EDARADD: variants seen among roughly 807,000 people sequenced by gnomAD.
EDARADD encodes ectodysplasin-A receptor-associated adapter protein.
EDARADD carries 20 observed loss-of-function variants against 25.6 expected under a neutral mutation model. The observed-to-expected ratio is 0.78, with a 90% CI of 0.55 to 1.14. EDARADD has a LOEUF of 1.14. Among genes scored for constraint, EDARADD ranks in the 50% most tolerant of loss-of-function variants. The pLI, the probability that EDARADD is intolerant of heterozygous loss-of-function variation, is 0.00. For synonymous variants in EDARADD, 86 were observed against 94.4 expected (o/e 0.91, Z 0.52); for missense variants, 225 against 270.1 (o/e 0.83, Z 1.17).
At chr1:236,455,798 CT>C in intron 4 of EDARADD, among the ~76,000 whole-genome samples, 1 of 93,194 alleles carries the variant, frequency 1.1e-5, no homozygotes. Context: ...ATCGCCTGTT[CT>C]TTTTTTTTGA....
At chr1:236,355,476 A>G (rs1666962565) in intron 3 of EDARADD, among the ~76,000 whole-genome samples, 1 of 113,084 alleles carries the variant, frequency 8.8e-6, no homozygotes, top group African/African-American at 3.4e-5. Flanking sequence ...TTTCCCATCC[A>G]CTCATTCTCT....
chr1:236,441,578 CAATGGTGCG>C lies in EDARADD; in HGVS notation c.219+14130_219+14138del, dbSNP rs1308809372. On this transcript the variant is annotated intron_variant, in intron 4 of 5. Coordinates refer to ENST00000334232, the MANE Select transcript of EDARADD (RefSeq NM_145861.4). ...TCACTCTATTGACCAGGCTGGAGTG[CAATGGTGCG>C]ATCTCCGCTCACTGCAACCTCCACC... Among the ~76,000 whole-genome samples, 5 of 149,278 alleles carry C rather than the reference CAATGGTGCG, an allele frequency of 3.3e-5. No individual in the cohort carries two copies. The Admixed American group carries it at 3.4e-4, about 10-fold the overall frequency.
intron 4 of EDARADD, among the ~76,000 whole-genome samples, chr1:236,452,416 G>C (rs887289727): frequency 3.9e-5 from 6 of 152,156 alleles, no homozygotes; most frequent in Admixed American, 3.9e-4. Flanking sequence ...ATTGGATCAC[G>C]GGGGTGGTTA....
intron 3 of EDARADD, among the ~76,000 whole-genome samples, chr1:236,376,492 A>T (rs571075299): frequency 6.6e-6 from 1 of 151,986 alleles, no homozygotes; most frequent in South Asian, 2.1e-4. Flanking sequence ...GTTTCACTTC[A>T]CTTTCATCTT....
intron 4 of EDARADD, among the ~76,000 whole-genome samples, chr1:236,431,927 C>CA (rs1170622280): frequency 0.046 from 812 of 17,788 alleles, 130 homozygotes; most frequent in Non-Finnish European, 0.13. Flanking sequence ...GACTCCGTCT[C>CA]AAAAAAAAAA....
chr1:236,451,276 TC>T (rs1422186368), intron 4 of EDARADD, among the ~76,000 whole-genome samples: 1 of 152,174 alleles, frequency 6.6e-6, no homozygotes, highest in Non-Finnish European at 1.5e-5. Flanking sequence ...TCCCTCTCAG[TC>T]AGCTTTCTCC....
chr1:236,368,590 G>A (rs900560635), intron 3 of EDARADD, among the ~76,000 whole-genome samples: 3 of 151,918 alleles, frequency 2.0e-5, no homozygotes, highest in Non-Finnish European at 4.4e-5. Flanking sequence ...ACAGGCAGGC[G>A]CCACCACACC....
intron 4 of EDARADD, among the ~76,000 whole-genome samples, chr1:236,467,834 T>G (rs932540075): frequency 6.6e-6 from 1 of 152,074 alleles, no homozygotes; most frequent in Non-Finnish European, 1.5e-5. Flanking sequence ...CATAGCTCAC[T>G]GCAGCCTCCA....
In EDARADD at chr1:236,484,411, A is replaced by G; in HGVS notation, c.*1762A>G. 6.2e-7 allele frequency: 1 copy of G among 1,610,160 alleles called. No homozygotes were observed. The highest frequency in any genetic ancestry group is 1.1e-5 in the South Asian group (1 of 90,976). On this transcript the variant is annotated 3_prime_UTR_variant, in exon 6 of 6. Transcript: ENST00000334232. The surrounding 1 kb of genome is among the most constrained non-coding windows in gnomAD (Gnocchi z 4.1). ...AACCAGCTCCTCAGAATTGAAGAGG[A>G]GCTGGGCAGCAAGGCTAAGTTTGCC...
intron 2 of EDARADD, among the ~76,000 whole-genome samples, chr1:236,409,866 C>T (rs1657404882): frequency 6.6e-6 from 1 of 151,790 alleles, no homozygotes; most frequent in Non-Finnish European, 1.5e-5. Flanking sequence ...ACCTGGCCTA[C>T]TTGCCTGTTT....
rs1052144896 is a variant in EDARADD at position 236,395,475 on chromosome 1, G to T, written c.61+970G>T. Reference sequence around the variant, plus strand: ...GCGAAGGAGGAGAAGAAGAAGGGAGGGGAAGGCGGAGGAGGGCAGGGGCGC... The same window carrying T: ...GCGAAGGAGGAGAAGAAGAAGGGAGTGGAAGGCGGAGGAGGGCAGGGGCGC... On this transcript the variant is annotated intron_variant, in intron 1 of 5. Coordinates refer to ENST00000334232, the MANE Select transcript of EDARADD (RefSeq NM_145861.4). The surrounding 1 kb of genome is among the most constrained non-coding windows in gnomAD (Gnocchi z 6.9). The T allele has an allele frequency of 1.0e-5, 15 of 1,504,574 alleles. No homozygotes were observed. The African/African-American group carries it at 2.1e-4, about 21-fold the overall frequency. 93.2% of individuals were successfully genotyped at this position (1,504,574 alleles called of 1,614,324 possible).
chr1:236,414,911 T>A (rs1220476340), intron 3 of EDARADD, among the ~76,000 whole-genome samples: 3 of 152,154 alleles, frequency 2.0e-5, no homozygotes, highest in Non-Finnish European at 4.4e-5. Context: ...TTTGGGGTCT[T>A]TGGGCCCTGC....
At chr1:236,354,277 G>T (rs977097512) in intron 3 of EDARADD, among the ~76,000 whole-genome samples, 4 of 152,116 alleles carry the variant, frequency 2.6e-5, no homozygotes, top group Non-Finnish European at 1.5e-5. Flanking sequence ...AAACCCAGGG[G>T]TTTTCAGAGA....
chr1:236,418,824 C>A (rs1266231177), intron 3 of EDARADD, among the ~76,000 whole-genome samples: 1 of 152,094 alleles, frequency 6.6e-6, no homozygotes, highest in Non-Finnish European at 1.5e-5. Context: ...TCCCTGTTCC[C>A]ACGGGAAACT....
chr1:236,466,567 C>T (rs530514934), intron 4 of EDARADD, among the ~76,000 whole-genome samples: 77 of 152,056 alleles, frequency 5.1e-4, no homozygotes, highest in African/African-American at 1.7e-3. Flanking sequence ...TTTTTAGTTC[C>T]AGTAAAGATA....
chr1:236,359,791 A>G (rs1667025073), intron 3 of EDARADD, among the ~76,000 whole-genome samples: 1 of 152,202 alleles, frequency 6.6e-6, no homozygotes, highest in Admixed American at 6.5e-5. Context: ...ACCATGATTC[A>G]GTTACCTCCT....
upstream of EDARADD, among the ~76,000 whole-genome samples, chr1:236,390,119 T>C (rs4659661): frequency 0.77 from 116,835 of 152,120 alleles, 46,325 homozygotes; most frequent in East Asian, 0.92. Context: ...GCTATGAGGA[T>C]GCAAAGGCAT....
At chr1:236,410,907 C>A (rs952115542) in intron 2 of EDARADD, among the ~76,000 whole-genome samples, 2 of 152,172 alleles carry the variant, frequency 1.3e-5, no homozygotes, top group African/African-American at 4.8e-5. Context: ...ATGAAAAATT[C>A]TCAGTCTCTT....
chr1:236,449,569 T>C (rs1558128241), intron 4 of EDARADD, among the ~76,000 whole-genome samples: 1 of 152,254 alleles, frequency 6.6e-6, no homozygotes, highest in East Asian at 1.9e-4. Context: ...TCCACTGTCA[T>C]GAATCATTTT....
Sources: gnomAD v4.1 joint callset for allele counts (sites outside exome capture counted in the v4.1 genomes callset) on GRCh38, gnomAD v4.1.1 for gene constraint, Gnocchi (gnomAD v3.1) non-coding constraint, MANE v1.5 for transcripts, NCBI Gene and HGNC (gene_info 2026-07-23, HGNC 2026-07-21) for gene names.